Variants in ABCC1 observed in about 807,000 individuals in gnomAD.
The protein encoded by ABCC1 is multidrug resistance-associated protein 1.
ABCC1 carries 83 observed loss-of-function variants against 172.9 expected under a neutral mutation model. That is an observed-to-expected ratio of 0.48 (90% CI 0.40 to 0.58). The LOEUF is 0.58. Ranked by LOEUF, ABCC1 falls within the 20% of genes least tolerant of loss-of-function variation. The pLI is 0.00. For synonymous variants in ABCC1, 937 were observed against 825.2 expected (o/e 1.14, Z -2.32); for missense variants, 1,817 against 2,002.7 (o/e 0.91, Z 1.77).
intron 19 of ABCC1, among the ~76,000 whole-genome samples, chr16:16,094,814 CTTTTTTTTTTT>C (rs895974418): frequency 9.1e-4 from 110 of 120,626 alleles, no homozygotes; most frequent in African/African-American, 3.3e-3. Context: ...TGCGCCTGGC[CTTTTTTTTTTT>C]TTTTTTTTTT....
chr16:16,068,541 C>A (rs1193446801), intron 13 of ABCC1, among the ~76,000 whole-genome samples: 3 of 152,190 alleles, frequency 2.0e-5, no homozygotes, highest in Non-Finnish European at 1.5e-5. Context: ...GCAGGGCTTT[C>A]CCATGCTCTG....
intron 25 of ABCC1, 50 bp downstream of exon 25, chr16:16,124,965 G>A: frequency 6.2e-7 from 1 of 1,611,674 alleles, no homozygotes; most frequent in African/African-American, 1.3e-5. Context: ...TAATGGGGGA[G>A]CCAGTTGTCC....
intron 3 of ABCC1, among the ~76,000 whole-genome samples, chr16:16,013,548 A>G (rs1280131540): frequency 2.2e-5 from 3 of 137,890 alleles, no homozygotes; most frequent in East Asian, 2.0e-4. Flanking sequence ...GGCATGAGCC[A>G]CTGCACCTGG....
At chr16:16,089,707 T>G (rs2051160613) in intron 18 of ABCC1, among the ~76,000 whole-genome samples, 1 of 151,908 alleles carries the variant, frequency 6.6e-6, no homozygotes, top group African/African-American at 2.4e-5. Context: ...CCATCTCTAC[T>G]AAAATACAAC....
Position 16,010,000 on chromosome 16 carries a change from A to G in ABCC1, c.351+99A>G, listed in dbSNP as rs1009816844. On this transcript the variant is annotated intron_variant, in intron 3 of 30. Coordinates refer to ENST00000399410, the MANE Select transcript of ABCC1 (RefSeq NM_004996.4). ...ACTAGAATCATAGTTTTTTAAGGCAATGATCAGCTGGAGCTGGGATATAAA... is the reference window on the plus strand; with the variant it reads ...ACTAGAATCATAGTTTTTTAAGGCAGTGATCAGCTGGAGCTGGGATATAAA... 8 of 828,832 alleles carry G rather than the reference A, an allele frequency of 9.7e-6. No homozygotes were observed. In the South Asian group the frequency reaches 1.0e-4, roughly 10 times the overall value. 51.3% of individuals were successfully genotyped at this position (828,832 alleles called of 1,614,324 possible).
chr16:16,052,384 T>C (rs943710003), intron 10 of ABCC1, among the ~76,000 whole-genome samples: 1 of 151,104 alleles, frequency 6.6e-6, no homozygotes, highest in African/African-American at 2.4e-5. Context: ...CTGATGCAAA[T>C]AGCCACTGTA....
Position 16,122,027 on chromosome 16 carries a change from G to A in ABCC1, c.3443G>A (p.Arg1148His), listed in dbSNP as rs748686682. The A allele has an allele frequency of 3.2e-5, 52 of 1,614,046 alleles. No individual in the cohort carries two copies. The highest frequency in any genetic ancestry group is 3.3e-4 in the Middle Eastern group (2 of 6,084). The change falls in exon 24 of 31, where the codon CGC becomes CAC. Residue 1148 changes from arginine to histidine, a missense_variant. Arg to His is a conservative substitution (Grantham distance 29, BLOSUM62 0). Transcript: ENST00000399410. ...CTGAAGCGCCTCGAGTCGGTCAGCCGCTCCCCGGTCTATTCCCATTTCAAC... is the reference window on the plus strand; with the variant it reads ...CTGAAGCGCCTCGAGTCGGTCAGCCACTCCCCGGTCTATTCCCATTTCAAC... ...RQLKRLESVS[R>H]SPVYSHFNET...
At chr16:16,084,341 G>A (rs991510904) in intron 17 of ABCC1, among the ~76,000 whole-genome samples, 9 of 151,354 alleles carry the variant, frequency 5.9e-5, no homozygotes, top group Non-Finnish European at 8.8e-5. Flanking sequence ...GACCTCAAGT[G>A]ATCCGCTGGC....
At chr16:15,952,637 A>C (rs1458906517) in intron 1 of ABCC1, among the ~76,000 whole-genome samples, 2 of 143,934 alleles carry the variant, frequency 1.4e-5, no homozygotes, top group African/African-American at 2.6e-5. Flanking sequence ...TGGGGGTGGG[A>C]CTGGTAGGAG....
At chr16:16,114,495 C>T (rs2044758807) in intron 22 of ABCC1, among the ~76,000 whole-genome samples, 1 of 152,060 alleles carries the variant, frequency 6.6e-6, no homozygotes. Flanking sequence ...CGCCAACCAC[C>T]ACGCCTGGCT....
intron 26 of ABCC1, among the ~76,000 whole-genome samples, chr16:16,130,543 C>T (rs1414662616): frequency 6.6e-6 from 1 of 152,128 alleles, no homozygotes; most frequent in Non-Finnish European, 1.5e-5. Context: ...GTATTGCGCT[C>T]CTCAAATACC....
chr16:16,106,756 C>T lies in ABCC1; in HGVS notation c.2754C>T (p.Ser918=). The part of the protein sequence containing the change: ...KQLQRQLSSS[S]SYSGDISRHH... Reference sequence around the variant, plus strand: ...TCTCCAGACAGCTCAGCAGCTCCTCCTCCTATAGTGGGGACATCAGCAGGC... The same window carrying T: ...TCTCCAGACAGCTCAGCAGCTCCTCTTCCTATAGTGGGGACATCAGCAGGC... Residue 918 remains serine, a synonymous_variant, in exon 21 of 31, where the codon TCC becomes TCT. Transcript: ENST00000399410. The T allele has an allele frequency of 1.2e-6, 2 of 1,614,090 alleles. No homozygotes were observed. The highest frequency in any genetic ancestry group is 1.6e-4 in the Middle Eastern group (1 of 6,062).
At position 16,086,835 on chromosome 16, in the gene ABCC1, G is replaced by C. The variant is rs2051027209; in HGVS notation, c.2304G>C (p.Leu768=). 1.9e-6 allele frequency: 3 copies of C among 1,613,912 alleles called. No individual in the cohort carries two copies. The highest frequency in any genetic ancestry group is 4.5e-5 in the East Asian group (2 of 44,870). The change falls in exon 18 of 31, where the codon CTG becomes CTC. Residue 768 remains leucine, a synonymous_variant. Coordinates refer to ENST00000399410, the MANE Select transcript of ABCC1 (RefSeq NM_004996.4). ...RTEIGEKGVN[L]SGGQKQRVSL... is the part of the protein sequence containing the mutation. ...GTGTCTCTCCCCAGGGCGTGAACCT[G>C]TCTGGGGGCCAGAAGCAGCGCGTGA...
At chr16:16,037,358 G>A (rs770761761) in intron 7 of ABCC1, among the ~76,000 whole-genome samples, 1 of 152,142 alleles carries the variant, frequency 6.6e-6, no homozygotes, top group South Asian at 2.1e-4. Flanking sequence ...TATGTAAGGC[G>A]TGCCCCACTG....
At position 16,083,268 on chromosome 16, in the gene ABCC1, A is replaced by C; in HGVS notation, c.2116-98A>C. On this transcript the variant is annotated intron_variant, in intron 16 of 30. Transcript: ENST00000399410. ...ATAGTTGTGATGAAAATGACTTGTGAAGTGAGGCCCTCCTAGCAGGCGGGT... is the reference window on the plus strand; with the variant it reads ...ATAGTTGTGATGAAAATGACTTGTGCAGTGAGGCCCTCCTAGCAGGCGGGT... 7 of 1,211,388 alleles carry C rather than the reference A, an allele frequency of 5.8e-6. No individual in the cohort carries two copies. The South Asian group carries it at 9.6e-5, about 17-fold the overall frequency. 75.0% of individuals were successfully genotyped at this position (1,211,388 alleles called of 1,614,324 possible). A position where few individuals can be genotyped will look rare whatever the true frequency, so the allele number is the denominator to read the frequency against.
chr16:15,957,246 A>ATTT (rs1157024430), intron 1 of ABCC1, among the ~76,000 whole-genome samples: 6 of 131,102 alleles, frequency 4.6e-5, no homozygotes, highest in African/African-American at 6.0e-5. Flanking sequence ...TGCCCAGCTA[A>ATTT]TTTTTTTTTT....
intron 17 of ABCC1, among the ~76,000 whole-genome samples, chr16:16,085,833 G>C (rs1419020006): frequency 2.6e-5 from 4 of 152,206 alleles, no homozygotes; most frequent in Non-Finnish European, 5.9e-5. Context: ...GTGCATGGGA[G>C]TCAGGGCAGG....
At chr16:16,009,745 G>T in intron 2 of ABCC1, 31 bp from the exon 3 acceptor site, 1 of 1,586,550 alleles carries the variant, frequency 6.3e-7, no homozygotes, top group Non-Finnish European at 8.6e-7. Flanking sequence ...AGGGCGGTCT[G>T]TTGTAGGATA....
At chr16:16,017,356 G>A (rs1367397439) in intron 5 of ABCC1, among the ~76,000 whole-genome samples, 1 of 151,786 alleles carries the variant, frequency 6.6e-6, no homozygotes, top group Non-Finnish European at 1.5e-5. Context: ...TCAGCTTTCT[G>A]AGTAGCTGGA....
Sources: allele counts gnomAD v4.1 joint callset (sites outside exome capture counted in the v4.1 genomes callset), GRCh38; gene constraint gnomAD v4.1.1; transcripts MANE v1.5; gene names NCBI Gene and HGNC (gene_info 2026-07-23, HGNC 2026-07-21).